CRX: variants seen among roughly 807,000 people sequenced by gnomAD.
CRX encodes cone-rod homeobox.
In CRX, 5 loss-of-function variants were observed where a neutral mutation model predicts 13.1. The ratio of observed to expected loss-of-function variants is 0.38; its 90% CI spans 0.20 to 0.80. The LOEUF (loss-of-function observed/expected upper bound fraction) is 0.80, where lower values mean the gene tolerates loss of function less well. Among genes scored for constraint, CRX ranks in the 30% least tolerant of loss-of-function variants. The pLI, the probability that CRX is intolerant of heterozygous loss-of-function variation, is 0.43. For synonymous variants in CRX, 179 were observed against 171.1 expected (o/e 1.05, Z -0.36); for missense variants, 351 against 391.8 (o/e 0.90, Z 0.88).
At chr19:47,833,566 G>A (rs969825746) in intron 1 of CRX, among the ~76,000 whole-genome samples, 3 of 151,658 alleles carry the variant, frequency 2.0e-5, no homozygotes, top group Admixed American at 6.6e-5. Context: ...ACAGGCGTGA[G>A]CCACCTTGCC....
intron 1 of CRX, among the ~76,000 whole-genome samples, chr19:47,826,908 G>A (rs569319759): frequency 1.3e-5 from 2 of 152,140 alleles, no homozygotes; most frequent in Admixed American, 6.5e-5. Flanking sequence ...GGCTGAGGCT[G>A]GGGAACTAAC....
chr19:47,840,067 G>C lies in CRX; in HGVS notation c.*100G>C, dbSNP rs1473479954. 2 of 1,435,946 alleles carry C rather than the reference G, an allele frequency of 1.4e-6. No individual in the cohort carries two copies. Among genetic ancestry groups the C allele is most frequent in the Admixed American group, 3.6e-5 (2 of 55,314 alleles). The allele number at this position is 1,435,946 out of a possible 1,614,324, so 89.0% of individuals were successfully genotyped here. On this transcript the variant is annotated 3_prime_UTR_variant, in exon 4 of 4. Coordinates refer to ENST00000221996, the MANE Select transcript of CRX (RefSeq NM_000554.6). ...ATCCCGGGATGGCATTCCTGAGAAA[G>C]CAACCCGAACCAGCTGTCCTTCTGA...
In CRX at chr19:47,839,234, A is replaced by G; in HGVS notation, c.253-86A>G. ...GATGTGAACCCAGCACCTCTCACCA[A>G]TAAGTGTCCTCATCCCCGGGCACCC... On this transcript the variant is annotated intron_variant, in intron 3 of 3. Transcript: ENST00000221996. The surrounding 1 kb of genome is among the most constrained non-coding windows in gnomAD (Gnocchi z 4.6). The G allele has an allele frequency of 1.4e-6, 2 of 1,429,834 alleles. No individual in the cohort carries two copies. Among genetic ancestry groups the G allele is most frequent in the Non-Finnish European group, 1.9e-6 (2 of 1,049,864 alleles). The allele number at this position is 1,429,834 out of a possible 1,614,324, so 88.6% of individuals were successfully genotyped here.
intron 1 of CRX, among the ~76,000 whole-genome samples, chr19:47,824,031 C>G (rs1481508404): frequency 1.3e-5 from 2 of 152,180 alleles, no homozygotes. Context: ...TGGTTGCCTC[C>G]TCTGCAAAGT....
intron 1 of CRX, among the ~76,000 whole-genome samples, chr19:47,827,464 A>AC (rs1435809135): frequency 4.3e-5 from 6 of 138,736 alleles, no homozygotes; most frequent in Non-Finnish European, 7.6e-5. Context: ...TAGATGCCTC[A>AC]CCCACCCCAA....
At chr19:47,825,190 C>A (rs1055356750) in intron 1 of CRX, among the ~76,000 whole-genome samples, 1 of 151,984 alleles carries the variant, frequency 6.6e-6, no homozygotes, top group African/African-American at 2.4e-5. Context: ...GTTGGCCAGG[C>A]TGGCCTTGAA....
intron 1 of CRX, among the ~76,000 whole-genome samples, chr19:47,824,164 G>C (rs1427037435): frequency 1.3e-5 from 2 of 152,192 alleles, no homozygotes; most frequent in Admixed American, 1.3e-4. Context: ...GGTAGACTTG[G>C]GGGTGAAGAG....
intron 1 of CRX, among the ~76,000 whole-genome samples, chr19:47,826,145 A>T (rs1392596946): frequency 3.9e-5 from 6 of 152,020 alleles, no homozygotes; most frequent in Non-Finnish European, 8.8e-5. Context: ...ATTTAACATT[A>T]TTGGTTTTTG....
At chr19:47,832,570 C>T (rs146318115) in intron 1 of CRX, among the ~76,000 whole-genome samples, 3,201 of 151,906 alleles carry the variant, frequency 0.021, 55 homozygotes, top group Non-Finnish European at 0.034. Flanking sequence ...ACTACAGCCT[C>T]CGCCTCCCAG....
At chr19:47,835,901 G>A (rs1377725491) in intron 2 of CRX, among the ~76,000 whole-genome samples, 1 of 152,100 alleles carries the variant, frequency 6.6e-6, no homozygotes, top group Non-Finnish European at 1.5e-5. Context: ...GATTATAGGC[G>A]TGAGCCACCG....
intron 1 of CRX, among the ~76,000 whole-genome samples, chr19:47,825,447 A>T (rs1045435489): frequency 6.6e-6 from 1 of 152,110 alleles, no homozygotes; most frequent in African/African-American, 2.4e-5. Context: ...CCCTTCTGTC[A>T]TCAGCTGCCT....
intron 1 of CRX, among the ~76,000 whole-genome samples, chr19:47,825,313 T>TGCAGTGGCTGGATC (rs2123729960): frequency 6.6e-6 from 1 of 152,026 alleles, no homozygotes; most frequent in Non-Finnish European, 1.5e-5. Flanking sequence ...CAGGCTGGAG[T>TGCAGTGGCTGGATC]GCAGTGGCTG....
intron 1 of CRX, among the ~76,000 whole-genome samples, chr19:47,822,552 G>A (rs1314180812): frequency 2.0e-5 from 3 of 152,260 alleles, no homozygotes; most frequent in East Asian, 1.9e-4. Flanking sequence ...AGACATATAC[G>A]CAGAGAGCCC....
In CRX at chr19:47,834,490, T is replaced by A; in HGVS notation, c.47T>A (p.Leu16Ter). The change falls in exon 2 of 4, where the codon TTG (leucine) becomes TAG (stop). Residue 16 changes from leucine to a stop codon, truncating the protein, a stop_gained. Coordinates refer to ENST00000221996, the MANE Select transcript of CRX (RefSeq NM_000554.6). LOFTEE classifies it high-confidence loss of function. ...GGGCCCCACTATTCTGTCAACGCCT[T>A]GGCCCTAAGTGGCCCCAGTGTGGAT... is the stretch of plus-strand genomic sequence containing the variant. Reference protein sequence around the residue: ...NPGPHYSVNALALSGPSVDLM... With the variant: ...NPGPHYSVNA 1 of 1,614,176 alleles carries A rather than the reference T, an allele frequency of 6.2e-7. No homozygotes were observed. The highest frequency in any genetic ancestry group is 2.2e-5 in the East Asian group (1 of 44,860).
At chr19:47,835,063 C>T (rs1968099735) in intron 2 of CRX, among the ~76,000 whole-genome samples, 1 of 151,898 alleles carries the variant, frequency 6.6e-6, no homozygotes, top group Non-Finnish European at 1.5e-5. Context: ...GGTGCAATCA[C>T]AGCTCACTAC....
At chr19:47,829,047 C>T (rs1968012241) in intron 1 of CRX, among the ~76,000 whole-genome samples, 3 of 152,128 alleles carry the variant, frequency 2.0e-5, no homozygotes, top group South Asian at 4.2e-4. Context: ...GAATTTTCTA[C>T]GCATATACAA....
At chr19:47,830,786 A>G (rs1968034557) in intron 1 of CRX, among the ~76,000 whole-genome samples, 1 of 127,236 alleles carries the variant, frequency 7.9e-6, no homozygotes, top group African/African-American at 2.9e-5. Context: ...ACAGAACAAG[A>G]CTCCATTAAA....
Position 47,837,988 on chromosome 19 carries a change from C to T in CRX, c.253-1332C>T, listed in dbSNP as rs1968139814. On this transcript the variant is annotated intron_variant, in intron 3 of 3. Transcript: ENST00000221996. ...TTTGTATGCTGTAGGTATGATGTTA[C>T]ATATATGTGCATACACACGTGTGTA... 2.0e-5 allele frequency among the ~76,000 whole-genome samples: 3 copies of T among 151,878 alleles called. No homozygotes were observed. The South Asian group carries it at 6.2e-4, about 31-fold the overall frequency.
At chr19:47,832,398 G>A (rs914433970) in intron 1 of CRX, among the ~76,000 whole-genome samples, 9 of 151,508 alleles carry the variant, frequency 5.9e-5, no homozygotes, top group African/African-American at 9.7e-5. Context: ...GAGCCACTGC[G>A]CCCAGGCTTA....
Sources: allele counts gnomAD v4.1 joint callset (sites outside exome capture counted in the v4.1 genomes callset), GRCh38; gene constraint gnomAD v4.1.1; non-coding constraint Gnocchi (gnomAD v3.1); transcripts MANE v1.5; gene names NCBI Gene and HGNC (gene_info 2026-07-23, HGNC 2026-07-21).